Variants in PRRC2C observed in about 807,000 individuals in gnomAD.
PRRC2C encodes the protein proline rich coiled-coil 2C.
A neutral mutation model predicts 317.2 loss-of-function variants in PRRC2C; 72 were observed. The observed-to-expected ratio is 0.23, with a 90% confidence interval of 0.19 to 0.28. The LOEUF (loss-of-function observed/expected upper bound fraction) is 0.28. Ranked by LOEUF, PRRC2C falls within the 10% of genes least tolerant of loss-of-function variation. The pLI is 1.00. For synonymous variants in PRRC2C, 1,296 were observed against 1,205.9 expected (o/e 1.07, Z -1.55); for missense variants, 3,074 against 3,459.7 (o/e 0.89, Z 2.80).
intron 20 of PRRC2C, 122 bp from the exon 21 acceptor site, chr1:171,566,111 G>A (rs1431950542): frequency 2.1e-5 from 15 of 699,152 alleles, no homozygotes; most frequent in East Asian, 2.0e-4. Flanking sequence ...AATTAATGTC[G>A]GTCTCAGTTA....
rs996610326 is a variant in PRRC2C at position 171,593,117 on chromosome 1, G to A, written c.*1270G>A. ...GAACTTTGCAATTTTCTGGGGTTTT[G>A]TTTTTTACCTTTTTCCCCCCTTTTT... On this transcript the variant is annotated 3_prime_UTR_variant, in exon 35 of 35. Coordinates refer to ENST00000647382, the MANE Select transcript of PRRC2C (RefSeq NM_001387844.1). 1 of 151,670 alleles carries A rather than the reference G, an allele frequency of 6.6e-6. No individual in the cohort carries two copies. Among genetic ancestry groups the A allele is most frequent in the South Asian group, 2.1e-4 (1 of 4,806 alleles). 9.4% of individuals were successfully genotyped at this position (151,670 alleles called of 1,614,324 possible). A position where few individuals can be genotyped will look rare whatever the true frequency, so the allele number is the denominator to read the frequency against.
At chr1:171,572,297 A>AT (rs921242198) in intron 24 of PRRC2C, among the ~76,000 whole-genome samples, 10 of 152,058 alleles carry the variant, frequency 6.6e-5, no homozygotes, top group East Asian at 1.9e-4. Flanking sequence ...CCAAGGGAAG[A>AT]TTTTTTTTAA....
Position 171,579,910 on chromosome 1 carries a change from G to C in PRRC2C, c.7355G>C (p.Gly2452Ala), listed in dbSNP as rs1472617422. 4 of 1,597,318 alleles carry C rather than the reference G, an allele frequency of 2.5e-6. No individual in the cohort carries two copies. The change falls in exon 28 of 35, where the codon GGC becomes GCC. Residue 2452 changes from glycine to alanine, a missense_variant. By Grantham distance (60) the Gly-to-Ala change is moderately conservative (BLOSUM62 0). This residue lies in a region of PRRC2C where 490 missense variants were observed against 663.1 expected (regional missense o/e 0.74). Transcript: ENST00000647382. ...QHQAQLSLGAGPAVSQAQELF... is the reference protein window; with the variant it reads ...QHQAQLSLGAAPAVSQAQELF... ...CAAGCCCAACTGAGTTTGGGGGCTG[G>C]CCCTGCTGTTTCCCAGGCTCAGGAA...
At chr1:171,588,714 G>T (rs184464750) in intron 33 of PRRC2C, among the ~76,000 whole-genome samples, 1 of 152,256 alleles carries the variant, frequency 6.6e-6, no homozygotes, top group African/African-American at 2.4e-5. Flanking sequence ...GCAGACAAGA[G>T]AAATAGTTAA....
Position 171,541,892 on chromosome 1 carries a change from G to A in PRRC2C, c.4426G>A (p.Asp1476Asn). The A allele has an allele frequency of 6.2e-7, 1 of 1,613,758 alleles. No homozygotes were observed. Among genetic ancestry groups the A allele is most frequent in the East Asian group, 2.2e-5 (1 of 44,874 alleles). Residue 1476 changes from aspartate (D) to asparagine (N), a missense_variant, in exon 16 of 35, where the codon GAT becomes AAT. Asp to Asn is a conservative substitution (Grantham distance 23). Around this residue, in one of 11 missense-constraint regions of PRRC2C, gnomAD observed 1,320 missense variants for 1,395.7 expected, o/e 0.95. Coordinates refer to ENST00000647382, the MANE Select transcript of PRRC2C (RefSeq NM_001387844.1). This position sits in a 1 kb window ranked among gnomAD's most constrained non-coding sequence, Gnocchi z 4.1. ...TCAAGAACCAGTTAATACTCTTGGG[G>A]ATATTTCCGGGAATAAGACACCAGA... ...VAQEPVNTLG[D>N]ISGNKTPDLS...
chr1:171,489,178 A>G (rs1666670353), intron 1 of PRRC2C, among the ~76,000 whole-genome samples: 1 of 152,234 alleles, frequency 6.6e-6, no homozygotes, highest in African/African-American at 2.4e-5. Flanking sequence ...ACTGATAAGT[A>G]TATTATTGGA....
intron 1 of PRRC2C, among the ~76,000 whole-genome samples, chr1:171,498,779 T>C (rs1668569005): frequency 6.6e-6 from 1 of 152,200 alleles, no homozygotes; most frequent in South Asian, 2.1e-4. Flanking sequence ...AAATTCTGTA[T>C]ACCCTTGCTC....
chr1:171,537,224 A>G (rs1676999262), intron 14 of PRRC2C, 39 bp from the exon 15 acceptor site: 2 of 1,467,688 alleles, frequency 1.4e-6, no homozygotes, highest in Middle Eastern at 3.5e-4. Context: ...TTCATTTTTC[A>G]AAATCCTCAT....
At chr1:171,544,733 TA>T (rs950234840) in intron 16 of PRRC2C, among the ~76,000 whole-genome samples, 1 of 152,232 alleles carries the variant, frequency 6.6e-6, no homozygotes, top group Non-Finnish European at 1.5e-5. Flanking sequence ...GTGACGATTA[TA>T]ATTAAATGTT....
At chr1:171,553,827 G>C (rs973983377) in intron 18 of PRRC2C, among the ~76,000 whole-genome samples, 3 of 152,178 alleles carry the variant, frequency 2.0e-5, no homozygotes, top group Non-Finnish European at 4.4e-5. Flanking sequence ...ACTGTGGTCT[G>C]AGAGACAGTT....
chr1:171,567,835 G>T (rs966131350), intron 22 of PRRC2C, among the ~76,000 whole-genome samples: 2 of 152,140 alleles, frequency 1.3e-5, no homozygotes, highest in African/African-American at 4.8e-5. Flanking sequence ...CTTAAAGTCT[G>T]CTCTCTTCCC....
intron 24 of PRRC2C, among the ~76,000 whole-genome samples, chr1:171,572,775 AT>A (rs1685005333): frequency 6.6e-6 from 1 of 152,184 alleles, no homozygotes; most frequent in Non-Finnish European, 1.5e-5. Context: ...ATCTTTAATT[AT>A]TTTTAAGCCA....
At position 171,527,819 on chromosome 1, in the gene PRRC2C, C is replaced by G; in HGVS notation, c.1229C>G (p.Pro410Arg). The G allele has an allele frequency of 6.3e-7, 1 of 1,583,534 alleles. No homozygotes were observed. The highest frequency in any genetic ancestry group is 8.6e-7 in the Non-Finnish European group (1 of 1,163,150). The change falls in exon 11 of 35, where the codon CCA (proline) becomes CGA (arginine). Residue 410 changes from proline (P) to arginine (R), a missense_variant. Around this residue, in one of 11 missense-constraint regions of PRRC2C, gnomAD observed 1,320 missense variants for 1,395.7 expected, o/e 0.95. Coordinates refer to ENST00000647382, the MANE Select transcript of PRRC2C (RefSeq NM_001387844.1). Reference protein sequence around the residue: ...QERGTSSHLPPPPKLLAQQHP... With the variant: ...QERGTSSHLPRPPKLLAQQHP... ...CGTGGAACATCTTCACATCTGCCACCACCTCCAAAGTTGCTTGCACAGCAG... is the reference window on the plus strand; with the variant it reads ...CGTGGAACATCTTCACATCTGCCACGACCTCCAAAGTTGCTTGCACAGCAG...
chr1:171,580,052 C>CA (rs1053364952), intron 28 of PRRC2C, 88 bp downstream of exon 28: 3 of 1,212,488 alleles, frequency 2.5e-6, no homozygotes, highest in East Asian at 3.0e-5. Flanking sequence ...TGTTCCTTCC[C>CA]AAAAAAACCT....
At chr1:171,580,619 G>A (rs1415625231) in intron 28 of PRRC2C, among the ~76,000 whole-genome samples, 1 of 152,180 alleles carries the variant, frequency 6.6e-6, no homozygotes, top group Non-Finnish European at 1.5e-5. Flanking sequence ...ACATGTGGAT[G>A]TTAGGACTTG....
chr1:171,535,448 A>C lies in PRRC2C; in HGVS notation c.1894A>C (p.Arg632=). The stretch of plus-strand genomic sequence containing the variant: ...AGCAGAGGAGGAACCCGTTTTCACT[A>C]GACAAGACAGCAATCGCAGTGAAAA... ...CNKEEEPVFT[R]QDSNRSEKEA... Residue 632 remains arginine, a synonymous_variant, in exon 13 of 35, where the codon AGA becomes CGA. Coordinates refer to ENST00000647382, the MANE Select transcript of PRRC2C (RefSeq NM_001387844.1). 6.2e-7 allele frequency: 1 copy of C among 1,613,820 alleles called. No homozygotes were observed. The highest frequency in any genetic ancestry group is 8.5e-7 in the Non-Finnish European group (1 of 1,179,812).
chr1:171,555,997 C>G (rs891598845), intron 18 of PRRC2C, among the ~76,000 whole-genome samples: 9 of 152,136 alleles, frequency 5.9e-5, no homozygotes, highest in African/African-American at 1.7e-4. Context: ...TTTCTGCTGC[C>G]TTTTGTTCAG....
intron 10 of PRRC2C, among the ~76,000 whole-genome samples, chr1:171,525,650 A>G (rs1293910386): frequency 6.6e-6 from 1 of 152,208 alleles, no homozygotes; most frequent in Non-Finnish European, 1.5e-5. Flanking sequence ...AAAAGTCAGT[A>G]AGCAGTTACA....
chr1:171,549,117 A>G (rs993215967), intron 17 of PRRC2C, among the ~76,000 whole-genome samples: 1 of 152,252 alleles, frequency 6.6e-6, no homozygotes, highest in Non-Finnish European at 1.5e-5. Flanking sequence ...CAGAGACATT[A>G]AGAGTCATAA....
Sources: allele counts gnomAD v4.1 joint callset (sites outside exome capture counted in the v4.1 genomes callset), GRCh38; gene constraint gnomAD v4.1.1; regional missense constraint gnomAD v4.1.1; non-coding constraint Gnocchi (gnomAD v3.1); transcripts MANE v1.5; gene names NCBI Gene and HGNC (gene_info 2026-07-23, HGNC 2026-07-21).